The following TLL2 variants were observed in gnomAD, a reference collection of about 807,000 sequenced individuals.
TLL2 encodes tolloid like 2, also known as tolloid-like protein 2.
TLL2 carries 106 observed loss-of-function variants against 123.0 expected under a neutral mutation model. That is an observed-to-expected ratio of 0.86 (90% CI 0.74 to 1.01). TLL2 has a LOEUF of 1.01. Ranked by LOEUF, TLL2 falls within the 50% of genes least tolerant of loss-of-function variation. The pLI is 0.00. For synonymous variants in TLL2, 494 were observed against 516.8 expected, an observed-to-expected ratio of 0.96 and a Z score of 0.60; for missense variants, 1,332 against 1,336.7, an observed-to-expected ratio of 1.00 and a Z score of 0.06.
intron 10 of TLL2, among the ~76,000 whole-genome samples, chr10:96,400,357 C>CAAAAA (rs55975748): frequency 8.1e-4 from 89 of 109,820 alleles, no homozygotes; most frequent in African/African-American, 1.2e-3. Context: ...CTACTACCAT[C>CAAAAA]AAAAAAAAAA....
intron 16 of TLL2, among the ~76,000 whole-genome samples, chr10:96,383,926 C>T (rs374416473): frequency 1.1e-4 from 16 of 152,228 alleles, no homozygotes; most frequent in East Asian, 3.9e-4. Flanking sequence ...CCACCACGCC[C>T]GGCCTAAACC....
chr10:96,479,272 G>A (rs893415154), intron 2 of TLL2, among the ~76,000 whole-genome samples: 5 of 152,156 alleles, frequency 3.3e-5, no homozygotes, highest in Non-Finnish European at 5.9e-5. Context: ...AGCCACTGGC[G>A]ATGAGGTCCC....
intron 3 of TLL2, among the ~76,000 whole-genome samples, chr10:96,437,723 C>T: frequency 6.6e-6 from 1 of 152,076 alleles, no homozygotes; most frequent in East Asian, 1.9e-4. Context: ...TAAGTTGTTG[C>T]CTGTATGAAT....
intron 19 of TLL2, among the ~76,000 whole-genome samples, chr10:96,372,268 G>C (rs1230358717): frequency 2.0e-5 from 3 of 152,124 alleles, no homozygotes; most frequent in Non-Finnish European, 4.4e-5. Context: ...TCGCCATTTT[G>C]TTTGACCTAA....
At chr10:96,417,930 G>A (rs1170018717) in intron 7 of TLL2, among the ~76,000 whole-genome samples, 2 of 152,196 alleles carry the variant, frequency 1.3e-5, no homozygotes, top group East Asian at 3.9e-4. Flanking sequence ...AAGTCACTAA[G>A]CTTGGGGGTC....
At chr10:96,479,314 A>G (rs1326274764) in intron 2 of TLL2, among the ~76,000 whole-genome samples, 2 of 152,116 alleles carry the variant, frequency 1.3e-5, no homozygotes, top group Non-Finnish European at 2.9e-5. Context: ...GCCCTCATCC[A>G]CCAACCCCTG....
chr10:96,495,453 A>G (rs1261729492), intron 1 of TLL2, among the ~76,000 whole-genome samples: 6 of 152,224 alleles, frequency 3.9e-5, no homozygotes, highest in African/African-American at 1.4e-4. Context: ...CAAAGCTTAC[A>G]TTAAAGTGAC....
chr10:96,385,877 C>T (rs939698796), intron 15 of TLL2, among the ~76,000 whole-genome samples, 178 bp downstream of exon 15: 15 of 152,154 alleles, frequency 9.9e-5, no homozygotes, highest in Non-Finnish European at 1.5e-4. Flanking sequence ...CTGCAGAGGG[C>T]GTGCGGCTGA....
intron 2 of TLL2, among the ~76,000 whole-genome samples, chr10:96,476,537 C>T (rs1380852449): frequency 6.6e-6 from 1 of 151,382 alleles, no homozygotes; most frequent in Non-Finnish European, 1.5e-5. Context: ...GCTCGGATTA[C>T]AGGTGTGAGT....
Position 96,513,875 on chromosome 10 carries a change from A to T in TLL2, c.-190T>A, listed in dbSNP as rs962502073. ...GTCTTCGTCGAGGCAACCGGGAAGC[A>T]GCCGCTCGGAGCTACTTGCCCGGCG... On this transcript the variant is annotated 5_prime_UTR_variant, in exon 1 of 21. Transcript: ENST00000357947. The T allele has an allele frequency of 3.5e-6, 2 of 578,708 alleles. No homozygotes were observed. The highest frequency in any genetic ancestry group is 5.6e-6 in the Non-Finnish European group (2 of 358,208). 35.8% of individuals were successfully genotyped at this position (578,708 alleles called of 1,614,324 possible). A position where few individuals can be genotyped will look rare whatever the true frequency, so the allele number is the denominator to read the frequency against.
chr10:96,401,503 T>TACACACACACACAC (rs60660163), intron 10 of TLL2, among the ~76,000 whole-genome samples: 1 of 147,926 alleles, frequency 6.8e-6, no homozygotes. Context: ...GCTGGCACTC[T>TACACACACACACAC]ACACACACAC....
chr10:96,470,099 C>A (rs1327542038), intron 2 of TLL2, among the ~76,000 whole-genome samples: 1 of 152,160 alleles, frequency 6.6e-6, no homozygotes, highest in Non-Finnish European at 1.5e-5. Flanking sequence ...CCACATTTTC[C>A]ATCTGAGAAT....
Position 96,386,948 on chromosome 10 carries a change from C to T in TLL2, c.1852+5G>A. ...TCATTCTAGCTTGGCAGGTCCCACACCAACCTTCACACATCTTCTTATCGG... is the reference window on the plus strand; with the variant it reads ...TCATTCTAGCTTGGCAGGTCCCACATCAACCTTCACACATCTTCTTATCGG... On this transcript the variant is annotated splice_donor_5th_base_variant and intron_variant, in intron 14 of 20. Coordinates refer to ENST00000357947, the MANE Select transcript of TLL2 (RefSeq NM_012465.4). 1.2e-6 allele frequency: 2 copies of T among 1,614,122 alleles called. No individual in the cohort carries two copies. The highest frequency in any genetic ancestry group is 1.7e-6 in the Non-Finnish European group (2 of 1,179,986).
At chr10:96,372,457 G>A (rs959571758) in intron 19 of TLL2, among the ~76,000 whole-genome samples, 47 of 152,196 alleles carry the variant, frequency 3.1e-4, no homozygotes, top group African/African-American at 1.0e-3. Context: ...TTGCTTCTGT[G>A]GGCACTAGTC....
At chr10:96,471,395 T>C (rs1341954516) in intron 2 of TLL2, among the ~76,000 whole-genome samples, 2 of 152,156 alleles carry the variant, frequency 1.3e-5, no homozygotes, top group African/African-American at 4.8e-5. Context: ...AGCACACTGA[T>C]ACAGGCCCTG....
At chr10:96,493,785 G>T (rs1460853297) in intron 1 of TLL2, among the ~76,000 whole-genome samples, 5 of 152,148 alleles carry the variant, frequency 3.3e-5, no homozygotes, top group African/African-American at 1.2e-4. Context: ...GCAGGGCCTG[G>T]CACTGACCTT....
intron 2 of TLL2, among the ~76,000 whole-genome samples, chr10:96,457,929 C>T (rs546055997): frequency 3.9e-5 from 6 of 152,288 alleles, no homozygotes; most frequent in South Asian, 2.1e-4. Flanking sequence ...CTCATTTATT[C>T]GCTTATGTTT....
At chr10:96,383,184 G>C (rs544808384) in intron 16 of TLL2, among the ~76,000 whole-genome samples, 1 of 152,204 alleles carries the variant, frequency 6.6e-6, no homozygotes, top group Non-Finnish European at 1.5e-5. Flanking sequence ...ACGCTAAGGA[G>C]AATGGGCTTT....
chr10:96,424,830 TC>T (rs776258186), intron 5 of TLL2, among the ~76,000 whole-genome samples: 1 of 152,124 alleles, frequency 6.6e-6, no homozygotes, highest in Non-Finnish European at 1.5e-5. Context: ...GTATTCATTT[TC>T]TTATGTGCTG....
Sources: allele counts gnomAD v4.1 joint callset (sites outside exome capture counted in the v4.1 genomes callset), GRCh38; gene constraint gnomAD v4.1.1; transcripts MANE v1.5; gene names NCBI Gene and HGNC (gene_info 2026-07-23, HGNC 2026-07-21).